Variants in PC observed in about 807,000 individuals in gnomAD.
PC encodes pyruvate carboxylase, mitochondrial.
PC carries 46 observed loss-of-function variants against 107.8 expected under a neutral mutation model. The observed-to-expected ratio is 0.43, with a 90% CI of 0.34 to 0.55. The LOEUF (loss-of-function observed/expected upper bound fraction) is 0.55, where lower values mean the gene tolerates loss of function less well. PC is among the 20% of genes least tolerant of loss of function. The pLI, the probability that PC is intolerant of heterozygous loss-of-function variation, is 0.04. For synonymous variants in PC, 662 were observed against 684.7 expected, an observed-to-expected ratio of 0.97 and a Z score of 0.52; for missense variants, 1,241 against 1,643.1, an observed-to-expected ratio of 0.76 and a Z score of 4.23.
At position 66,851,925 on chromosome 11, in the gene PC, A is replaced by G. The variant is rs577138625; in HGVS notation, c.1847T>C (p.Met616Thr). The G allele has an allele frequency of 2.5e-6, 4 of 1,614,010 alleles. No homozygotes were observed. Among genetic ancestry groups the G allele is most frequent in the Non-Finnish European group, 2.5e-6 (3 of 1,180,020 alleles). ...CCAGGGGCACTCATACAGGAAGCGC[A>G]TGGCGACGTCAAACGTGGCTCCTGC... The part of the protein sequence containing the change: ...NWGGATFDVA[M>T]RFLYECPWRR... Residue 616 changes from methionine to threonine, a missense_variant, in exon 16 of 23, where the codon ATG becomes ACG. Physicochemically the swap from Met to Thr is moderately conservative, Grantham distance 81 (BLOSUM62 -1). This residue lies in a region of PC where 1,143 missense variants were observed against 1,551.9 expected (regional missense o/e 0.74). Transcript: ENST00000393960.
At chr11:66,889,082 A>G (rs1211593916) in intron 3 of PC, among the ~76,000 whole-genome samples, 1 of 152,196 alleles carries the variant, frequency 6.6e-6, no homozygotes, top group African/African-American at 2.4e-5. Flanking sequence ...TCAAAAAACA[A>G]AACAAAACAA....
chr11:66,860,550 G>C (rs746678072), intron 12 of PC: 24 of 701,790 alleles, frequency 3.4e-5, no homozygotes, highest in Non-Finnish European at 5.7e-5. Flanking sequence ...GTGGCACACG[G>C]ACAAGGGTGG....
rs182990749 is a variant in PC, at chr11:66,889,495, C to A, written c.1-17336G>T. Among the ~76,000 whole-genome samples the A allele has an allele frequency of 2.6e-5, 4 of 151,938 alleles. No homozygotes were observed. The East Asian group carries it at 7.7e-4, about 29-fold the overall frequency. ...AGGCAATTCTCCCACCTCAGCCTCC[C>A]GAGTAGCTGGGATTACAGGCACCCG... is the stretch of plus-strand genomic sequence containing the variant. On this transcript the variant is annotated intron_variant, in intron 3 of 22. Coordinates refer to ENST00000393960, the MANE Select transcript of PC (RefSeq NM_001040716.2).
chr11:66,955,343 G>A (rs1295161431), intron 1 of PC, among the ~76,000 whole-genome samples: 1 of 152,150 alleles, frequency 6.6e-6, no homozygotes, highest in Non-Finnish European at 1.5e-5. Flanking sequence ...CAGTGCCTGG[G>A]GCACTGGAAG....
At chr11:66,908,757 C>T (rs1028005302) in intron 3 of PC, among the ~76,000 whole-genome samples, 3 of 152,178 alleles carry the variant, frequency 2.0e-5, no homozygotes, top group Non-Finnish European at 2.9e-5. Flanking sequence ...GAGCCTGCTA[C>T]GGGAACGTAA....
At chr11:66,912,842 G>A (rs570090756) in intron 3 of PC, among the ~76,000 whole-genome samples, 1 of 152,196 alleles carries the variant, frequency 6.6e-6, no homozygotes, top group South Asian at 2.1e-4. Flanking sequence ...GGGTGGGGAG[G>A]GGTCTCCCAA....
At chr11:66,911,229 A>G (rs1336219500) in intron 3 of PC, among the ~76,000 whole-genome samples, 1 of 152,194 alleles carries the variant, frequency 6.6e-6, no homozygotes, top group East Asian at 1.9e-4. Flanking sequence ...CTAAGAACAG[A>G]ATGTCAGTCC....
Position 66,857,493 on chromosome 11 carries a change from A to G in PC, c.1369-4110T>C. On this transcript the variant is annotated intron_variant, in intron 12 of 22. Coordinates refer to ENST00000393960, the MANE Select transcript of PC (RefSeq NM_001040716.2). This position sits in a 1 kb window ranked among gnomAD's most constrained non-coding sequence, Gnocchi z 7.1. Reference sequence around the variant, plus strand: ...TCGGTCCTCCTCCGCTTCCTGCCTCATGCCTCACCTTGTCCCCAGCGCCTG... The same window carrying G: ...TCGGTCCTCCTCCGCTTCCTGCCTCGTGCCTCACCTTGTCCCCAGCGCCTG... 2.1e-6 allele frequency: 1 copy of G among 466,248 alleles called. No homozygotes were observed. Among genetic ancestry groups the G allele is most frequent in the Non-Finnish European group, 3.8e-6 (1 of 265,168 alleles). 28.9% of individuals were successfully genotyped at this position (466,248 alleles called of 1,614,324 possible). A position where few individuals can be genotyped will look rare whatever the true frequency, so the allele number is the denominator to read the frequency against.
At chr11:66,955,864 C>T (rs546378906) in intron 1 of PC, among the ~76,000 whole-genome samples, 72 of 152,084 alleles carry the variant, frequency 4.7e-4, no homozygotes, top group Non-Finnish European at 6.9e-4. Context: ...CCTTCAACTC[C>T]CAGGTTCAAG....
chr11:66,849,404 G>A (rs766636507), intron 21 of PC, 34 bp from the exon 22 acceptor site: 2 of 1,610,792 alleles, frequency 1.2e-6, no homozygotes, highest in Non-Finnish European at 1.7e-6. Flanking sequence ...AGAGCTGGAC[G>A]CCAAGGTGGG....
rs1415047556 is a variant in PC, at chr11:66,850,730, G to A, written c.2417C>T (p.Ser806Leu). 1 of 1,611,480 alleles carries A rather than the reference G, an allele frequency of 6.2e-7. No individual in the cohort carries two copies. The highest frequency in any genetic ancestry group is 8.5e-7 in the Non-Finnish European group (1 of 1,179,902). Residue 806 changes from serine (S) to leucine (L), a missense_variant, in exon 18 of 23, where the codon TCA becomes TTA. Physicochemically the swap from Ser to Leu is moderately radical, Grantham distance 145. Coordinates refer to ENST00000393960, the MANE Select transcript of PC (RefSeq NM_001040716.2). ...CACCAGGGCCCCCATGCTGGGCTGT[G>A]AAGTCATCCCAGACATGGAATCAGC... ...VAADSMSGMT[S>L]QPSMGALVAC... is the part of the protein sequence containing the mutation.
At chr11:66,865,673 A>T (rs1238415709) in intron 11 of PC, among the ~76,000 whole-genome samples, 1 of 151,994 alleles carries the variant, frequency 6.6e-6, no homozygotes, top group African/African-American at 2.4e-5. Flanking sequence ...GCGGCCCCGA[A>T]TCTACCTCTC....
At chr11:66,894,043 C>G (rs937214526) in intron 3 of PC, among the ~76,000 whole-genome samples, 1 of 151,978 alleles carries the variant, frequency 6.6e-6, no homozygotes, top group Non-Finnish European at 1.5e-5. Context: ...ACTTAACTAT[C>G]GTAAAAACCT....
chr11:66,903,966 TAC>T (rs1269434573), intron 3 of PC, among the ~76,000 whole-genome samples: 2 of 151,096 alleles, frequency 1.3e-5, no homozygotes, highest in Non-Finnish European at 2.9e-5. Flanking sequence ...TAGCTGGGAT[TAC>T]AGACACCCAG....
intron 3 of PC, among the ~76,000 whole-genome samples, chr11:66,880,121 G>C (rs527366542): frequency 1.5e-4 from 23 of 152,294 alleles, no homozygotes; most frequent in Non-Finnish European, 2.8e-4. Flanking sequence ...ACCCTTCCTA[G>C]AACTTGGTTA....
At chr11:66,915,951 T>C (rs1024502553) in intron 3 of PC, among the ~76,000 whole-genome samples, 1 of 152,190 alleles carries the variant, frequency 6.6e-6, no homozygotes, top group Non-Finnish European at 1.5e-5. Context: ...AGTCTCAGTC[T>C]TTCCTACAAC....
intron 12 of PC, among the ~76,000 whole-genome samples, chr11:66,862,712 C>T (rs534746050): frequency 6.6e-6 from 1 of 152,358 alleles, no homozygotes; most frequent in East Asian, 1.9e-4. Context: ...GGATTCCTCT[C>T]TAGCTACAGA....
intron 1 of PC, among the ~76,000 whole-genome samples, chr11:66,957,445 C>T (rs1418922125): frequency 2.0e-5 from 3 of 152,200 alleles, no homozygotes; most frequent in Admixed American, 2.0e-4. Flanking sequence ...GACGGAACCT[C>T]GTCTCTACCA....
chr11:66,871,508 G>A lies in PC; in HGVS notation c.322-28C>T, dbSNP rs1022998159. ...GCAGGTGGGGGTCAGGGAGAGGACG[G>A]TACCTTGCAGTCCCTTCCAAGGCCT... On this transcript the variant is annotated intron_variant, in intron 5 of 22. Coordinates refer to ENST00000393960, the MANE Select transcript of PC (RefSeq NM_001040716.2). This position sits in a 1 kb window ranked among gnomAD's most constrained non-coding sequence, Gnocchi z 7.4. 1.2e-6 allele frequency: 2 copies of A among 1,612,544 alleles called. No homozygotes were observed. Among genetic ancestry groups the A allele is most frequent in the East Asian group, 2.2e-5 (1 of 44,870 alleles).
Sources: gnomAD v4.1 joint callset for allele counts (sites outside exome capture counted in the v4.1 genomes callset) on GRCh38, gnomAD v4.1.1 for gene constraint, gnomAD v4.1.1 regional missense constraint, Gnocchi (gnomAD v3.1) non-coding constraint, MANE v1.5 for transcripts, NCBI Gene and HGNC (gene_info 2026-07-23, HGNC 2026-07-21) for gene names.